ADAMTSL1: variants seen among roughly 807,000 people sequenced by gnomAD.
The protein encoded by ADAMTSL1 is ADAMTS-like protein 1.
Under a neutral mutation model 201.8 loss-of-function variants are expected in ADAMTSL1, and 126 were observed. The ratio of observed to expected loss-of-function variants is 0.62; its 90% CI spans 0.54 to 0.72. The LOEUF is 0.72. Ranked by LOEUF, ADAMTSL1 falls within the 30% of genes least tolerant of loss-of-function variation. The probability of loss-of-function intolerance (pLI) is 0.00; values close to 1 mark genes in which losing one functional copy is unlikely to be tolerated. For synonymous variants in ADAMTSL1, 1,121 were observed against 903.4 expected, an observed-to-expected ratio of 1.24 and a Z score of -4.32; for missense variants, 2,679 against 2,277.8, an observed-to-expected ratio of 1.18 and a Z score of -3.59.
chr9:18,145,822 A>G (rs1826614678), intron 1 of ADAMTSL1, among the ~76,000 whole-genome samples: 1 of 152,206 alleles, frequency 6.6e-6, no homozygotes, highest in African/African-American at 2.4e-5. Context: ...AGCCCATAGA[A>G]TGGGAGAAAA....
chr9:18,703,043 T>C (rs571532197), intron 13 of ADAMTSL1, among the ~76,000 whole-genome samples: 1 of 152,314 alleles, frequency 6.6e-6, no homozygotes, highest in South Asian at 2.1e-4. Flanking sequence ...ATCCCAGGCG[T>C]GAGTGCCCGG....
At chr9:18,250,331 G>A (rs931151198) in intron 2 of ADAMTSL1, among the ~76,000 whole-genome samples, 1 of 152,180 alleles carries the variant, frequency 6.6e-6, no homozygotes, top group African/African-American at 2.4e-5. Flanking sequence ...GTAACAAGAT[G>A]TGTAGGGACA....
chr9:17,961,859 C>T (rs1817768967), intron 1 of ADAMTSL1, among the ~76,000 whole-genome samples: 1 of 152,106 alleles, frequency 6.6e-6, no homozygotes, highest in African/African-American at 2.4e-5. Flanking sequence ...CTAGCACCTC[C>T]TGAGAACCCC....
At chr9:18,314,963 A>AT (rs1464705663) in intron 2 of ADAMTSL1, among the ~76,000 whole-genome samples, 2 of 150,194 alleles carry the variant, frequency 1.3e-5, no homozygotes, top group South Asian at 2.2e-4. Context: ...CGCCCGGCTA[A>AT]TTTTTTGTAT....
chr9:18,279,374 T>C (rs980861876), intron 2 of ADAMTSL1, among the ~76,000 whole-genome samples: 6 of 152,084 alleles, frequency 3.9e-5, no homozygotes, highest in African/African-American at 9.6e-5. Flanking sequence ...AAGGATCAGC[T>C]GTATTTTGAA....
At chr9:18,628,598 G>A (rs62549383) in intron 5 of ADAMTSL1, among the ~76,000 whole-genome samples, 45 of 152,156 alleles carry the variant, frequency 3.0e-4, no homozygotes, top group Middle Eastern at 3.4e-3. Flanking sequence ...CTATCTGCTT[G>A]TCCATATCTA....
intron 1 of ADAMTSL1, among the ~76,000 whole-genome samples, chr9:18,019,840 G>C (rs942975321): frequency 3.3e-5 from 5 of 152,072 alleles, no homozygotes; most frequent in African/African-American, 1.2e-4. Context: ...TTATAGAGTA[G>C]AGTCCAAAGC....
chr9:18,448,983 T>C (rs886133080), intron 2 of ADAMTSL1, among the ~76,000 whole-genome samples: 3 of 152,014 alleles, frequency 2.0e-5, no homozygotes, highest in African/African-American at 7.2e-5. Context: ...TTGAAAATAC[T>C]AAATAAAATA....
intron 2 of ADAMTSL1, among the ~76,000 whole-genome samples, chr9:18,415,348 A>G (rs983500774): frequency 1.4e-4 from 21 of 152,308 alleles, no homozygotes; most frequent in African/African-American, 5.1e-4. Context: ...GACATAGAAG[A>G]TGTATTTTTA....
chr9:17,960,356 C>T (rs532190853), intron 1 of ADAMTSL1, among the ~76,000 whole-genome samples: 2 of 152,258 alleles, frequency 1.3e-5, no homozygotes, highest in South Asian at 4.1e-4. Context: ...TTCTTTATTC[C>T]ACATCGCTAA....
At chr9:18,715,331 A>G (rs1013643237) in intron 14 of ADAMTSL1, among the ~76,000 whole-genome samples, 4 of 152,084 alleles carry the variant, frequency 2.6e-5, no homozygotes, top group African/African-American at 9.7e-5. Flanking sequence ...TTGTATATCT[A>G]GAAATCCCCA....
intron 9 of ADAMTSL1, among the ~76,000 whole-genome samples, chr9:18,668,948 G>A (rs529755467): frequency 1.4e-4 from 22 of 152,252 alleles, no homozygotes; most frequent in Non-Finnish European, 3.1e-4. Flanking sequence ...AAATTGGGAT[G>A]TGGATCTAAG....
intron 1 of ADAMTSL1, among the ~76,000 whole-genome samples, chr9:17,959,515 G>C (rs1350074176): frequency 6.6e-6 from 1 of 152,004 alleles, no homozygotes; most frequent in Non-Finnish European, 1.5e-5. Flanking sequence ...CTGGAGTGCA[G>C]CAGTGCATTT....
intron 1 of ADAMTSL1, among the ~76,000 whole-genome samples, chr9:18,504,510 A>G (rs1823016657): frequency 6.6e-6 from 1 of 152,136 alleles, no homozygotes; most frequent in Non-Finnish European, 1.5e-5. Flanking sequence ...ACACTCATGA[A>G]CCCTGAGCAA....
chr9:18,720,288 C>T (rs984200763), intron 14 of ADAMTSL1, among the ~76,000 whole-genome samples: 3 of 152,172 alleles, frequency 2.0e-5, no homozygotes, highest in African/African-American at 7.2e-5. Context: ...TCTTTTCACC[C>T]TTCCCAGCCT....
intron 1 of ADAMTSL1, among the ~76,000 whole-genome samples, chr9:18,077,746 T>A (rs923914367): frequency 2.0e-5 from 3 of 151,944 alleles, no homozygotes; most frequent in Non-Finnish European, 2.9e-5. Context: ...AGGAGGACTT[T>A]AAAAAAAATG....
intron 2 of ADAMTSL1, among the ~76,000 whole-genome samples, chr9:18,286,292 T>C (rs1373932931): frequency 1.3e-5 from 2 of 152,202 alleles, no homozygotes; most frequent in African/African-American, 4.8e-5. Flanking sequence ...CTTAGAAAAG[T>C]AGTACATAAA....
At chr9:18,763,730 A>C (rs1820201142) in intron 16 of ADAMTSL1, among the ~76,000 whole-genome samples, 1 of 152,106 alleles carries the variant, frequency 6.6e-6, no homozygotes, top group South Asian at 2.1e-4. Context: ...AGCACCATTC[A>C]TTGAAGAAAC....
At chr9:18,808,488 A>G (rs1340995871) in intron 20 of ADAMTSL1, among the ~76,000 whole-genome samples, 1 of 152,262 alleles carries the variant, frequency 6.6e-6, no homozygotes, top group African/African-American at 2.4e-5. Context: ...ATTACTTTCC[A>G]GCAAAAACTC....
Sources: gnomAD v4.1 joint callset for allele counts (sites outside exome capture counted in the v4.1 genomes callset) on GRCh38, gnomAD v4.1.1 for gene constraint, MANE v1.5 for transcripts, NCBI Gene and HGNC (gene_info 2026-07-23, HGNC 2026-07-21) for gene names.